VDAC1: variants seen among roughly 807,000 people sequenced by gnomAD.
VDAC1 encodes the protein voltage dependent anion channel 1, also known as non-selective voltage-gated ion channel VDAC1.
VDAC1 carries 10 observed loss-of-function variants against 34.7 expected under a neutral mutation model. The observed-to-expected ratio is 0.29, with a 90% CI of 0.18 to 0.49. The LOEUF is 0.49. VDAC1 is among the 20% of genes least tolerant of loss of function. The probability of loss-of-function intolerance (pLI) is 0.99; values close to 1 mark genes in which losing one functional copy is unlikely to be tolerated. For missense variants in VDAC1, 230 were observed against 347.9 expected, an observed-to-expected ratio of 0.66 and a Z score of 2.69; for synonymous variants, 130 against 136.0, an observed-to-expected ratio of 0.96 and a Z score of 0.30.
chr5:134,067,692 G>A, the VDAC1 span, among the ~76,000 whole-genome samples: 6 of 144,586 alleles, frequency 4.1e-5, no homozygotes, highest in South Asian at 1.2e-3. Flanking sequence ...GAGGGGGAGG[G>A]AGAGGGAGAG....
chr5:134,018,673 G>A, the VDAC1 span, among the ~76,000 whole-genome samples: 6 of 152,300 alleles, frequency 3.9e-5, no homozygotes, highest in Non-Finnish European at 7.3e-5. Flanking sequence ...CCAGATAGGA[G>A]GATATTTAGG....
chr5:134,104,012 G>T, the VDAC1 span, among the ~76,000 whole-genome samples: 1 of 152,164 alleles, frequency 6.6e-6, no homozygotes, highest in African/African-American at 2.4e-5. Flanking sequence ...AGCCCCAGGG[G>T]CAGATTGGAG....
At chr5:133,993,672 A>G (rs1753190269) in intron 1 of VDAC1, among the ~76,000 whole-genome samples, 2 of 152,236 alleles carry the variant, frequency 1.3e-5, no homozygotes, top group South Asian at 4.1e-4. Flanking sequence ...TCCTCCAAAT[A>G]CATTAAACAA....
chr5:133,992,791 C>A (rs896410221), intron 2 of VDAC1, among the ~76,000 whole-genome samples, 155 bp downstream of exon 2: 3 of 152,248 alleles, frequency 2.0e-5, no homozygotes, highest in Non-Finnish European at 4.4e-5. Flanking sequence ...ACCAAAGTTG[C>A]TACAATTGCC....
At chr5:133,982,489 G>A (rs1752736206) in intron 5 of VDAC1, among the ~76,000 whole-genome samples, 1 of 148,830 alleles carries the variant, frequency 6.7e-6, no homozygotes, top group Admixed American at 6.7e-5. Context: ...TCCAGCCTGG[G>A]CGACAGAGTA....
At position 133,976,939 on chromosome 5, in the gene VDAC1, G is replaced by T. The variant is rs559217133; in HGVS notation, c.552-918C>A. Among the ~76,000 whole-genome samples the T allele has an allele frequency of 3.3e-5, 5 of 152,314 alleles. No individual in the cohort carries two copies. The South Asian group carries it at 8.3e-4, about 25-fold the overall frequency. On this transcript the variant is annotated intron_variant, in intron 6 of 8. Transcript: ENST00000265333. ...GGTGCCTGTAATCCCAGCAACCTGG[G>T]GGGGTGAGGCAGGAGAATCGTCTGA...
At chr5:134,063,186 T>G in the VDAC1 span, among the ~76,000 whole-genome samples, 2 of 152,232 alleles carry the variant, frequency 1.3e-5, no homozygotes, top group Non-Finnish European at 2.9e-5. Flanking sequence ...TATATTTGTC[T>G]AAATAAGAAA....
At chr5:134,021,034 G>T in the VDAC1 span, among the ~76,000 whole-genome samples, 1 of 151,810 alleles carries the variant, frequency 6.6e-6, no homozygotes, top group East Asian at 1.9e-4. Context: ...CAGGCACAGT[G>T]GTGTGCAACT....
chr5:134,100,609 C>G, the VDAC1 span, among the ~76,000 whole-genome samples: 3 of 152,220 alleles, frequency 2.0e-5, no homozygotes, highest in East Asian at 5.8e-4. Flanking sequence ...AAGGTACTTT[C>G]ACATGTGACT....
the VDAC1 span, among the ~76,000 whole-genome samples, chr5:134,105,412 G>A: frequency 7.9e-5 from 12 of 152,216 alleles, no homozygotes; most frequent in African/African-American, 2.9e-4. Flanking sequence ...AGTCACTTCC[G>A]CTCTCTGAGC....
chr5:134,106,704 C>A, the VDAC1 span, among the ~76,000 whole-genome samples: 1 of 152,070 alleles, frequency 6.6e-6, no homozygotes, highest in Non-Finnish European at 1.5e-5. Context: ...CCGCGCCTGG[C>A]CCGTCATCCT....
the VDAC1 span, among the ~76,000 whole-genome samples, chr5:134,048,467 A>G: frequency 6.7e-6 from 1 of 149,842 alleles, no homozygotes. Context: ...GGGTTTCGCC[A>G]TGTTGCCCAG....
At chr5:134,066,161 T>G in the VDAC1 span, among the ~76,000 whole-genome samples, 1 of 151,744 alleles carries the variant, frequency 6.6e-6, no homozygotes, top group Admixed American at 6.6e-5. Flanking sequence ...GGCTGGAGAG[T>G]GCTGGCTAAT....
chr5:134,051,779 A>G, the VDAC1 span, among the ~76,000 whole-genome samples: 1 of 150,874 alleles, frequency 6.6e-6, no homozygotes, highest in Non-Finnish European at 1.5e-5. Context: ...GCTCACTGCA[A>G]CCTCCACCTC....
At chr5:134,113,123 C>G in the VDAC1 span, among the ~76,000 whole-genome samples, 15 of 152,222 alleles carry the variant, frequency 9.9e-5, no homozygotes, top group African/African-American at 2.4e-5. Context: ...CCGAGCCCCC[C>G]CTTCCCCGCC....
chr5:134,072,523 G>C, the VDAC1 span, among the ~76,000 whole-genome samples: 1 of 152,198 alleles, frequency 6.6e-6, no homozygotes, highest in African/African-American at 2.4e-5. Flanking sequence ...TGATGTTCAT[G>C]GACAGCACAC....
At chr5:134,001,625 G>A (rs1473477396) in intron 1 of VDAC1, among the ~76,000 whole-genome samples, 3 of 150,474 alleles carry the variant, frequency 2.0e-5, no homozygotes, top group Non-Finnish European at 4.4e-5. Context: ...GGGTGAGGCA[G>A]AGACTTGCTT....
the VDAC1 span, among the ~76,000 whole-genome samples, chr5:134,084,353 T>C: frequency 6.6e-6 from 1 of 152,072 alleles, no homozygotes; most frequent in Non-Finnish European, 1.5e-5. Flanking sequence ...TCCTGCCCAG[T>C]GTTCTATGTT....
chr5:133,989,547 A>G (rs1470920843), intron 5 of VDAC1, among the ~76,000 whole-genome samples: 1 of 151,774 alleles, frequency 6.6e-6, no homozygotes, highest in Non-Finnish European at 1.5e-5. Flanking sequence ...TTTATTAGAG[A>G]TGGGGTTTTG....
Sources: allele counts gnomAD v4.1 joint callset (sites outside exome capture counted in the v4.1 genomes callset), GRCh38; gene constraint gnomAD v4.1.1; transcripts MANE v1.5; gene names NCBI Gene and HGNC (gene_info 2026-07-23, HGNC 2026-07-21).